Variants in GPAT3 observed in about 807,000 individuals in gnomAD.
GPAT3 encodes 1-AGP acyltransferase 9.
A neutral mutation model predicts 58.8 loss-of-function variants in GPAT3; 53 were observed. The observed-to-expected ratio is 0.90, with a 90% confidence interval of 0.72 to 1.13. GPAT3 has a LOEUF of 1.13. GPAT3 is among the 50% of genes most tolerant of loss of function. GPAT3 has a pLI of 0.00. For missense variants in GPAT3, 511 were observed against 527.6 expected (o/e 0.97, Z 0.31); for synonymous variants, 197 against 187.4 (o/e 1.05, Z -0.42).
At position 83,562,198 on chromosome 4, in the gene GPAT3, TAATATATATATATTATATATATATATA is replaced by T. The variant is rs1305790234; in HGVS notation, c.208+17598_208+17624del. Reference sequence around the variant, plus strand: ...TATATATTATATATATATATATATATAATATATATATATTATATATATATATAATATATATATAATATATATATATAA... The same window carrying T: ...TATATATTATATATATATATATATATATATATATATAATATATATATATAA... On this transcript the variant is annotated intron_variant, in intron 2 of 11. Transcript: ENST00000264409. 9.5e-3 allele frequency among the ~76,000 whole-genome samples: 387 copies of T among 40,818 alleles called. 9 individuals are homozygous for T. Among genetic ancestry groups the T allele is most frequent in the African/African-American group, 0.043 (360 of 8,304 alleles). 26.8% of individuals were successfully genotyped at this position (40,818 alleles called of 152,430 possible).
In GPAT3 at chr4:83,536,285, C is replaced by G; in HGVS notation, c.-338C>G. Reference sequence around the variant, plus strand: ...GGCGGGGCGGGTTCCTGGCTGCGCTCGCGCGCTCTGCCCGCGCCGCGGTGT... The same window carrying G: ...GGCGGGGCGGGTTCCTGGCTGCGCTGGCGCGCTCTGCCCGCGCCGCGGTGT... On this transcript the variant is annotated 5_prime_UTR_variant, in exon 1 of 12. Coordinates refer to ENST00000264409, the MANE Select transcript of GPAT3 (RefSeq NM_032717.5). The G allele has an allele frequency of 9.5e-7, 1 of 1,050,108 alleles. No homozygotes were observed. Among genetic ancestry groups the G allele is most frequent in the Non-Finnish European group, 1.1e-6 (1 of 872,382 alleles). 65.0% of individuals were successfully genotyped at this position (1,050,108 alleles called of 1,614,324 possible).
At chr4:83,543,127 C>T (rs1489518070) in intron 1 of GPAT3, among the ~76,000 whole-genome samples, 1 of 152,114 alleles carries the variant, frequency 6.6e-6, no homozygotes, top group Non-Finnish European at 1.5e-5. Flanking sequence ...AGGTGAAACC[C>T]GGTTTTTACA....
chr4:83,592,470 A>G (rs1279546704), intron 6 of GPAT3, among the ~76,000 whole-genome samples: 1 of 152,194 alleles, frequency 6.6e-6, no homozygotes, highest in Non-Finnish European at 1.5e-5. Flanking sequence ...TCCTTTTATT[A>G]AAAGAAATCT....
chr4:83,578,985 TTTCCTTCCTTCCTTCCTTCCTTCC>T lies in GPAT3; in HGVS notation c.209-2573_209-2550del, dbSNP rs1185459852. 8.4e-4 allele frequency among the ~76,000 whole-genome samples: 111 copies of T among 131,840 alleles called. 5 individuals carry two copies. Among genetic ancestry groups the T allele is most frequent in the African/African-American group, 3.2e-3 (102 of 31,986 alleles). 86.5% of individuals were successfully genotyped at this position (131,840 alleles called of 152,430 possible). A position where few individuals can be genotyped will look rare whatever the true frequency, so the allele number is the denominator to read the frequency against. On this transcript the variant is annotated intron_variant, in intron 2 of 11. Transcript: ENST00000264409. ...CTTTCTTTCTTTCTTTCTTTCTTTC[TTTCCTTCCTTCCTTCCTTCCTTCC>T]TTCTTTCCCTTTCTTTCTTTCTTTC...
intron 4 of GPAT3, among the ~76,000 whole-genome samples, chr4:83,587,710 G>A (rs1035873882): frequency 1.1e-4 from 17 of 152,162 alleles, no homozygotes; most frequent in Non-Finnish European, 5.9e-5. Context: ...ACAGGTGTGA[G>A]CTACCACACC....
chr4:83,553,900 TA>T (rs1330792023), intron 2 of GPAT3, among the ~76,000 whole-genome samples: 2 of 151,282 alleles, frequency 1.3e-5, no homozygotes, highest in African/African-American at 4.9e-5. Context: ...ATAAATAAAA[TA>T]AAAAAATAAA....
intron 2 of GPAT3, among the ~76,000 whole-genome samples, chr4:83,561,344 T>C (rs1157267755): frequency 1.3e-5 from 2 of 152,254 alleles, no homozygotes; most frequent in African/African-American, 4.8e-5. Flanking sequence ...TGTAAAATAC[T>C]TAAAATCTTT....
chr4:83,565,850 C>G (rs1419040405), intron 2 of GPAT3, among the ~76,000 whole-genome samples: 1 of 152,174 alleles, frequency 6.6e-6, no homozygotes, highest in Non-Finnish European at 1.5e-5. Context: ...GCGCTTTGTT[C>G]TTAGGGCAAA....
chr4:83,581,595 A>G lies in GPAT3; in HGVS notation c.242A>G (p.Lys81Arg). 3 of 1,614,094 alleles carry G rather than the reference A, an allele frequency of 1.9e-6. No homozygotes were observed. Among genetic ancestry groups the G allele is most frequent in the Non-Finnish European group, 2.5e-6 (3 of 1,180,008 alleles). ...IIQRDESPME[K>R]GLSGLRGRDF... ...CAAAGAGATGAGTCACCCATGGAAA[A>G]AGGGCTCTCTGGTCTACGAGGAAGG... The change falls in exon 3 of 12, where the codon AAA becomes AGA. Residue 81 changes from lysine to arginine, a missense_variant. By Grantham distance (26) the Lys-to-Arg change is conservative. Coordinates refer to ENST00000264409, the MANE Select transcript of GPAT3 (RefSeq NM_032717.5).
intron 3 of GPAT3, among the ~76,000 whole-genome samples, chr4:83,585,012 A>G (rs1017303752): frequency 6.6e-6 from 1 of 152,266 alleles, no homozygotes. Flanking sequence ...AAACATGTTA[A>G]AATGAAACTC....
chr4:83,582,515 G>C (rs552415133), intron 3 of GPAT3, among the ~76,000 whole-genome samples: 2 of 152,200 alleles, frequency 1.3e-5, no homozygotes, highest in East Asian at 3.8e-4. Context: ...TCTGATTAGC[G>C]TGGTGGTAGC....
chr4:83,549,444 C>CGT (rs142294690), intron 2 of GPAT3, among the ~76,000 whole-genome samples: 20,157 of 145,690 alleles, frequency 0.14, 1,535 homozygotes, highest in East Asian at 0.31. Flanking sequence ...TTTTATTTTG[C>CGT]GTGTGTGTGT....
chr4:83,565,021 T>G (rs1048549269), intron 2 of GPAT3, among the ~76,000 whole-genome samples: 6 of 151,888 alleles, frequency 4.0e-5, no homozygotes, highest in Admixed American at 3.3e-4. Context: ...CGCAACACTC[T>G]GTGAAAAAAA....
intron 11 of GPAT3, among the ~76,000 whole-genome samples, chr4:83,603,157 A>G (rs935610268): frequency 6.6e-6 from 1 of 152,244 alleles, no homozygotes; most frequent in Admixed American, 6.5e-5. Context: ...CAGTCAGAGT[A>G]TAAAGTAAGC....
At chr4:83,599,925 T>G (rs774194074) in intron 11 of GPAT3, among the ~76,000 whole-genome samples, 11 of 152,170 alleles carry the variant, frequency 7.2e-5, no homozygotes, top group South Asian at 4.1e-4. Context: ...TAATAGAGAT[T>G]AACAACAATA....
chr4:83,559,413 TC>T (rs1725051828), intron 2 of GPAT3, among the ~76,000 whole-genome samples: 1 of 152,102 alleles, frequency 6.6e-6, no homozygotes, highest in African/African-American at 2.4e-5. Context: ...AACCCCTGCT[TC>T]CCAGGTTCAA....
rs1384732703 is a variant in GPAT3, at chr4:83,596,847, T to A, written c.855-11T>A. ...ATAAAGGCAGAATTTTGATCCTTTT[T>A]TTTTCCATAGACTAAAAGAACATAT... On this transcript the variant is annotated splice_polypyrimidine_tract_variant and intron_variant, in intron 7 of 11. Coordinates refer to ENST00000264409, the MANE Select transcript of GPAT3 (RefSeq NM_032717.5). The A allele has an allele frequency of 1.9e-6, 3 of 1,605,578 alleles. No individual in the cohort carries two copies. Among genetic ancestry groups the A allele is most frequent in the Non-Finnish European group, 2.6e-6 (3 of 1,175,188 alleles).
intron 7 of GPAT3, among the ~76,000 whole-genome samples, chr4:83,596,398 A>G (rs1207787141): frequency 6.6e-6 from 1 of 152,122 alleles, no homozygotes; most frequent in Non-Finnish European, 1.5e-5. Context: ...AGGCGGGTGG[A>G]TCGCTTGAGC....
intron 2 of GPAT3, among the ~76,000 whole-genome samples, chr4:83,576,185 A>T (rs1421385962): frequency 6.6e-6 from 1 of 152,160 alleles, no homozygotes; most frequent in East Asian, 1.9e-4. Flanking sequence ...TTTAACTCAT[A>T]TATATTCACT....
Sources: allele counts gnomAD v4.1 joint callset (sites outside exome capture counted in the v4.1 genomes callset), GRCh38; gene constraint gnomAD v4.1.1; transcripts MANE v1.5; gene names NCBI Gene and HGNC (gene_info 2026-07-23, HGNC 2026-07-21).